Variants in ASIC1 observed in about 807,000 individuals in gnomAD.
ASIC1 encodes the protein acid sensing ion channel subunit 1, also known as acid-sensing ion channel 1.
Under a neutral mutation model 63.4 loss-of-function variants are expected in ASIC1, and 21 were observed. That is an observed-to-expected ratio of 0.33 (90% CI 0.23 to 0.48). The LOEUF is 0.48. ASIC1 is among the 20% of genes least tolerant of loss of function. The probability of loss-of-function intolerance (pLI) is 0.99; values close to 1 mark genes in which losing one functional copy is unlikely to be tolerated. For synonymous variants in ASIC1, 258 were observed against 278.2 expected (o/e 0.93, Z 0.72); for missense variants, 478 against 695.5 (o/e 0.69, Z 3.52).
rs879105334 is a variant in ASIC1, at chr12:50,059,255, A to T, written c.362+127A>T. 7.8e-7 allele frequency: 1 copy of T among 1,285,972 alleles called. No individual in the cohort carries two copies. Among genetic ancestry groups the T allele is most frequent in the African/African-American group, 1.5e-5 (1 of 66,682 alleles). The allele number at this position is 1,285,972 out of a possible 1,614,324, so 79.7% of individuals were successfully genotyped here. ...CCCTTTAACCCACCCCCACCCCCAAACCTGCCACTCACAGCAGAGGAGTTA... is the reference window on the plus strand; with the variant it reads ...CCCTTTAACCCACCCCCACCCCCAATCCTGCCACTCACAGCAGAGGAGTTA... On this transcript the variant is annotated intron_variant, in intron 2 of 11. Coordinates refer to ENST00000447966, the MANE Select transcript of ASIC1 (RefSeq NM_001095.4). The surrounding 1 kb of genome is among the most constrained non-coding windows in gnomAD (Gnocchi z 4.6).
At chr12:50,073,947 C>T in intron 3 of ASIC1, 1 of 1,535,898 alleles carries the variant, frequency 6.5e-7, no homozygotes, top group Middle Eastern at 1.7e-4. Context: ...CACACGTGAC[C>T]CTTCTAAACG....
At chr12:50,081,477 G>A (rs1034338435) in intron 11 of ASIC1, 68 bp from the exon 12 acceptor site, 3 of 824,306 alleles carry the variant, frequency 3.6e-6, no homozygotes, top group Non-Finnish European at 5.2e-6. Flanking sequence ...TTTGCCTCCC[G>A]AATGCCCCAG....
At position 50,074,198 on chromosome 12, in the gene ASIC1, A is replaced by G; in HGVS notation, c.559-3015A>G. 6.6e-7 allele frequency: 1 copy of G among 1,526,390 alleles called. No homozygotes were observed. The highest frequency in any genetic ancestry group is 1.2e-5 in the South Asian group (1 of 82,882). 94.6% of individuals were successfully genotyped at this position (1,526,390 alleles called of 1,614,324 possible). On this transcript the variant is annotated intron_variant, in intron 3 of 11. Coordinates refer to ENST00000447966, the MANE Select transcript of ASIC1 (RefSeq NM_001095.4). The surrounding 1 kb of genome is among the most constrained non-coding windows in gnomAD (Gnocchi z 4.2). Reference sequence around the variant, plus strand: ...CACCGGCTGGAGGACATGCTGCTCTATTGCTCCTACCAAGGGGGACCCTGC... The same window carrying G: ...CACCGGCTGGAGGACATGCTGCTCTGTTGCTCCTACCAAGGGGGACCCTGC...
intron 3 of ASIC1, among the ~76,000 whole-genome samples, chr12:50,068,223 A>G (rs1198755954): frequency 2.0e-5 from 3 of 152,176 alleles, no homozygotes; most frequent in Non-Finnish European, 2.9e-5. Flanking sequence ...TTGATGCTGT[A>G]TAGTATCTCA....
rs184758399 is a variant in ASIC1, at chr12:50,067,495, C to T, written c.558+7541C>T. 1.8e-4 allele frequency among the ~76,000 whole-genome samples: 28 copies of T among 151,812 alleles called. No individual in the cohort carries two copies. The East Asian group carries it at 3.7e-3, about 20-fold the overall frequency. ...CACCATCTCAGCTCACTGCAACCTC[C>T]GCCTCCTGGGTTCAAGCAATTCTCC... On this transcript the variant is annotated intron_variant, in intron 3 of 11. Transcript: ENST00000447966.
chr12:50,072,062 C>G (rs1044333694), intron 3 of ASIC1, among the ~76,000 whole-genome samples: 1 of 152,156 alleles, frequency 6.6e-6, no homozygotes, highest in South Asian at 2.1e-4. Flanking sequence ...AAGCTGAGGC[C>G]AAAGGTTCCA....
intron 3 of ASIC1, chr12:50,076,642 C>A: frequency 4.8e-6 from 1 of 209,950 alleles, no homozygotes; most frequent in Non-Finnish European, 9.8e-6. Flanking sequence ...TGTCAGGGTC[C>A]TGGCAGGAAA....
chr12:50,081,335 G>T lies in ASIC1; in HGVS notation c.1453G>T (p.Ala485Ser). 1 of 1,609,580 alleles carries T rather than the reference G, an allele frequency of 6.2e-7. No individual in the cohort carries two copies. The highest frequency in any genetic ancestry group is 1.7e-5 in the Admixed American group (1 of 59,416). Reference sequence around the variant, plus strand: ...AAGGAGCAGTGCGGACAAGGGCGTGGCCCTCAGCCTGGACGACGTCAAAAG... The same window carrying T: ...AAGGAGCAGTGCGGACAAGGGCGTGTCCCTCAGCCTGGACGACGTCAAAAG... Reference protein sequence around the residue: ...AKRSSADKGVALSLDDVKRHN... With the variant: ...AKRSSADKGVSLSLDDVKRHN... Residue 485 changes from alanine to serine, a missense_variant, in exon 11 of 12, where the codon GCC becomes TCC. This residue lies in a region of ASIC1 where 104 missense variants were observed against 97.0 expected (regional missense o/e 1.07). Coordinates refer to ENST00000447966, the MANE Select transcript of ASIC1 (RefSeq NM_001095.4).
Position 50,081,375 on chromosome 12 carries a change from G to C in ASIC1, c.1482+11G>C. Reference sequence around the variant, plus strand: ...GACGTCAAAAGACACGTGAGGGAGCGAGCGAGGGCGCCCTCCAGCCCGCCT... The same window carrying C: ...GACGTCAAAAGACACGTGAGGGAGCCAGCGAGGGCGCCCTCCAGCCCGCCT... On this transcript the variant is annotated intron_variant, in intron 11 of 11. Transcript: ENST00000447966. 1 of 1,576,062 alleles carries C rather than the reference G, an allele frequency of 6.3e-7. No homozygotes were observed. Among genetic ancestry groups the C allele is most frequent in the South Asian group, 1.2e-5 (1 of 86,634 alleles).
Position 50,078,949 on chromosome 12 carries a change from G to A in ASIC1, c.1020G>A (p.Glu340=). 1 of 1,613,942 alleles carries A rather than the reference G, an allele frequency of 6.2e-7. No homozygotes were observed. The highest frequency in any genetic ancestry group is 1.3e-5 in the African/African-American group (1 of 74,994). Reference sequence around the variant, plus strand: ...GGGATGCCCCATACTGTACTCCAGAGCAGTACAAGGAGTGTGCAGATCCTG... The same window carrying A: ...GGGATGCCCCATACTGTACTCCAGAACAGTACAAGGAGTGTGCAGATCCTG... ...MPGDAPYCTP[E]QYKECADPAL... is the part of the protein sequence containing the mutation. The change falls in exon 7 of 12, where the codon GAG becomes GAA. Residue 340 remains glutamate (E), a synonymous_variant. Coordinates refer to ENST00000447966, the MANE Select transcript of ASIC1 (RefSeq NM_001095.4). This position sits in a 1 kb window ranked among gnomAD's most constrained non-coding sequence, Gnocchi z 6.0.
At chr12:50,080,950 C>T (rs1230637463) in intron 9 of ASIC1, 152 bp from the exon 10 acceptor site, 1 of 855,092 alleles carries the variant, frequency 1.2e-6, no homozygotes, top group African/African-American at 1.7e-5. Context: ...GAGAAGAAAA[C>T]AAAAATTCCA....
chr12:50,067,710 C>T (rs549399142), intron 3 of ASIC1, among the ~76,000 whole-genome samples: 30 of 152,170 alleles, frequency 2.0e-4, no homozygotes, highest in African/African-American at 4.3e-4. Flanking sequence ...TGAGCCACTG[C>T]GCCCGGACCC....
In ASIC1 at chr12:50,080,071, G is replaced by T; in HGVS notation, c.1205+16G>T. 2 of 1,599,776 alleles carry T rather than the reference G, an allele frequency of 1.3e-6. No individual in the cohort carries two copies. Among genetic ancestry groups the T allele is most frequent in the South Asian group, 2.3e-5 (2 of 88,572 alleles). On this transcript the variant is annotated intron_variant, in intron 8 of 11. Transcript: ENST00000447966. ...AATACATAGGGTAAGGGCTCTGGCT[G>T]GGTAGAGCAAGGCCCTTGGGTTGGG... is the stretch of plus-strand genomic sequence containing the variant.
At chr12:50,058,312 T>C (rs1211025727) in intron 1 of ASIC1, among the ~76,000 whole-genome samples, 1 of 152,290 alleles carries the variant, frequency 6.6e-6, no homozygotes, top group East Asian at 1.9e-4. Flanking sequence ...CACAGCCCCG[T>C]CCAGGGAATA....
intron 3 of ASIC1, among the ~76,000 whole-genome samples, chr12:50,063,828 A>G (rs1950522573): frequency 1.3e-5 from 2 of 152,086 alleles, no homozygotes; most frequent in African/African-American, 4.8e-5. Context: ...GTGCCCAGCA[A>G]GAGCCAGGAC....
chr12:50,062,278 T>C (rs1244287547), intron 3 of ASIC1, among the ~76,000 whole-genome samples: 1 of 152,222 alleles, frequency 6.6e-6, no homozygotes, highest in Non-Finnish European at 1.5e-5. Flanking sequence ...ATGCTCTCCC[T>C]TCTCTCCTCA....
Position 50,071,739 on chromosome 12 carries a change from G to A in ASIC1, c.559-5474G>A, listed in dbSNP as rs540725623. 5.3e-5 allele frequency among the ~76,000 whole-genome samples: 8 copies of A among 152,228 alleles called. No individual in the cohort carries two copies. The South Asian group carries it at 6.2e-4, about 12-fold the overall frequency. On this transcript the variant is annotated intron_variant, in intron 3 of 11. Coordinates refer to ENST00000447966, the MANE Select transcript of ASIC1 (RefSeq NM_001095.4). ...CGGCTCACTGCAACCTCCGCCTCCC[G>A]GGTTCAAGCGATTCTTCTGCCTCAA...
At chr12:50,062,242 C>A (rs1457082149) in intron 3 of ASIC1, among the ~76,000 whole-genome samples, 3 of 152,172 alleles carry the variant, frequency 2.0e-5, no homozygotes, top group African/African-American at 7.2e-5. Context: ...GTCCTAAGGG[C>A]TCCCACACTC....
chr12:50,062,117 GT>G (rs1426736355), intron 3 of ASIC1, among the ~76,000 whole-genome samples: 2 of 152,104 alleles, frequency 1.3e-5, no homozygotes, highest in African/African-American at 4.8e-5. Flanking sequence ...CCCTCTCCAT[GT>G]CAAGAGCTCT....
Sources: gnomAD v4.1 joint callset for allele counts (sites outside exome capture counted in the v4.1 genomes callset) on GRCh38, gnomAD v4.1.1 for gene constraint, gnomAD v4.1.1 regional missense constraint, Gnocchi (gnomAD v3.1) non-coding constraint, MANE v1.5 for transcripts, NCBI Gene and HGNC (gene_info 2026-07-23, HGNC 2026-07-21) for gene names.